The following PHLPP2 variants were observed in gnomAD, a reference collection of about 807,000 sequenced individuals.
The protein encoded by PHLPP2 is PH domain and leucine rich repeat protein phosphatase 2.
A neutral mutation model predicts 124.9 loss-of-function variants in PHLPP2; 66 were observed. The ratio of observed to expected loss-of-function variants is 0.53; its 90% CI spans 0.43 to 0.65. The LOEUF is 0.65. Ranked by LOEUF, PHLPP2 falls within the 30% of genes least tolerant of loss-of-function variation. The pLI is 0.00. For missense variants in PHLPP2, 1,685 were observed against 1,600.4 expected (o/e 1.05, Z -0.90); for synonymous variants, 681 against 624.7 (o/e 1.09, Z -1.34).
At chr16:71,698,497 C>A in intron 3 of PHLPP2, 1 of 746,066 alleles carries the variant, frequency 1.3e-6, no homozygotes, top group South Asian at 1.4e-5. Flanking sequence ...TCCAAAGGCA[C>A]CTCGCATACC....
intron 9 of PHLPP2, among the ~76,000 whole-genome samples, chr16:71,675,466 C>T (rs2044937442): frequency 6.6e-6 from 1 of 152,182 alleles, no homozygotes; most frequent in Non-Finnish European, 1.5e-5. Flanking sequence ...CTCATTCTAG[C>T]ACTGAGGCTA....
At chr16:71,686,170 T>A (rs1038667913) in intron 4 of PHLPP2, among the ~76,000 whole-genome samples, 1 of 152,114 alleles carries the variant, frequency 6.6e-6, no homozygotes, top group South Asian at 2.1e-4. Flanking sequence ...AAAATAAAAT[T>A]CACTGGTTTT....
chr16:71,707,238 A>T (rs1447376821), intron 2 of PHLPP2, among the ~76,000 whole-genome samples: 1 of 152,002 alleles, frequency 6.6e-6, no homozygotes, highest in African/African-American at 2.4e-5. Flanking sequence ...TACAGGAGTG[A>T]GCCACCGCGC....
chr16:71,674,073 G>A (rs1371495518), intron 9 of PHLPP2, among the ~76,000 whole-genome samples: 1 of 146,116 alleles, frequency 6.8e-6, no homozygotes, highest in Non-Finnish European at 1.5e-5. Context: ...TTTATATGTG[G>A]CAGACTTTTT....
intron 17 of PHLPP2, among the ~76,000 whole-genome samples, chr16:71,654,848 G>C (rs2044728550): frequency 6.6e-6 from 1 of 152,144 alleles, no homozygotes; most frequent in Non-Finnish European, 1.5e-5. Context: ...CCAGAAAGAG[G>C]CATTCTAAAC....
intron 2 of PHLPP2, 128 bp downstream of exon 2, chr16:71,714,384 T>G (rs1280450245): frequency 8.0e-7 from 1 of 1,250,488 alleles, no homozygotes; most frequent in Non-Finnish European, 1.0e-6. Context: ...AGGACAAATC[T>G]TGAAGCCCAG....
Position 71,678,827 on chromosome 16 carries a change from G to C in PHLPP2, c.1196C>G (p.Ala399Gly). 1.2e-6 allele frequency: 2 copies of C among 1,612,196 alleles called. No individual in the cohort carries two copies. The highest frequency in any genetic ancestry group is 1.7e-6 in the Non-Finnish European group (2 of 1,178,296). ...GTTCAGGACTTCCAGGCAATTTCCT[G>C]CCATAACCACTCTATCTAACATAGT... ...KLTMLDRVVM[A>G]GNCLEVLNLG... The change falls in exon 8 of 19, where the codon GCA becomes GGA. Residue 399 changes from alanine (A) to glycine (G), a missense_variant. Transcript: ENST00000568954.
chr16:71,692,595 C>CCTTT (rs1268674116), intron 3 of PHLPP2, among the ~76,000 whole-genome samples: 1 of 152,146 alleles, frequency 6.6e-6, no homozygotes, highest in Non-Finnish European at 1.5e-5. Context: ...CTAGGTCAAT[C>CCTTT]CTTTCATCTA....
At position 71,672,328 on chromosome 16, in the gene PHLPP2, C is replaced by T. The variant is rs2044901988; in HGVS notation, c.1472-6G>A. On this transcript the variant is annotated splice_region_variant and splice_polypyrimidine_tract_variant and intron_variant, in intron 9 of 18. Transcript: ENST00000568954. Reference sequence around the variant, plus strand: ...GACGTTCACTGCTGTCAGCCCTAATCCAAAAACAAACAGGTGTTAGTGACA... The same window carrying T: ...GACGTTCACTGCTGTCAGCCCTAATTCAAAAACAAACAGGTGTTAGTGACA... 6.2e-7 allele frequency: 1 copy of T among 1,610,548 alleles called. No individual in the cohort carries two copies. The highest frequency in any genetic ancestry group is 1.1e-5 in the South Asian group (1 of 90,960).
chr16:71,656,473 C>A (rs1000804411), intron 16 of PHLPP2, 98 bp downstream of exon 16: 1 of 705,064 alleles, frequency 1.4e-6, no homozygotes. Context: ...CTGTGTACAA[C>A]AGAACAACAT....
intron 1 of PHLPP2, chr16:71,723,402 AG>A (rs1182075929): frequency 1.3e-5 from 2 of 152,304 alleles, no homozygotes; most frequent in Non-Finnish European, 2.9e-5. Flanking sequence ...CGGCCCTCCG[AG>A]CCCTCCGGAG....
Position 71,678,931 on chromosome 16 carries a change from C to A in PHLPP2, c.1092G>T (p.Leu364Phe). The A allele has an allele frequency of 6.2e-7, 1 of 1,612,942 alleles. No homozygotes were observed. The highest frequency in any genetic ancestry group is 8.5e-7 in the Non-Finnish European group (1 of 1,179,164). ...GNFLTTLPEE[L>F]GNLQQLSSLG... Reference sequence around the variant, plus strand: ...AGGAGGAAAGCTGTTGTAGATTTCCCAATTCTTCAGGTAAAGTAGTCAGAA... The same window carrying A: ...AGGAGGAAAGCTGTTGTAGATTTCCAAATTCTTCAGGTAAAGTAGTCAGAA... The change falls in exon 8 of 19, where the codon TTG (leucine) becomes TTT (phenylalanine). Residue 364 changes from leucine to phenylalanine, a missense_variant. Leu to Phe is a conservative substitution (Grantham distance 22). Transcript: ENST00000568954.
intron 3 of PHLPP2, among the ~76,000 whole-genome samples, chr16:71,691,794 C>T (rs905100765): frequency 3.9e-5 from 6 of 151,932 alleles, no homozygotes; most frequent in African/African-American, 1.2e-4. Context: ...ACAGAAAAGA[C>T]GTGAAGTTCT....
At chr16:71,681,336 A>AT (rs1345335413) in intron 6 of PHLPP2, among the ~76,000 whole-genome samples, 3 of 152,210 alleles carry the variant, frequency 2.0e-5, no homozygotes, top group African/African-American at 7.2e-5. Flanking sequence ...GACTAAACGC[A>AT]TAAGAGTTGG....
At chr16:71,703,406 T>C (rs1021059887) in intron 2 of PHLPP2, among the ~76,000 whole-genome samples, 1 of 152,274 alleles carries the variant, frequency 6.6e-6, no homozygotes, top group Non-Finnish European at 1.5e-5. Context: ...ATGGTCCTAA[T>C]TGAAAGCTAA....
At chr16:71,668,887 C>T (rs2044864863) in intron 11 of PHLPP2, among the ~76,000 whole-genome samples, 1 of 152,132 alleles carries the variant, frequency 6.6e-6, no homozygotes, top group African/African-American at 2.4e-5. Context: ...GATAACAGCA[C>T]CTATTAAATA....
chr16:71,682,051 T>G, intron 5 of PHLPP2, 146 bp from the exon 6 acceptor site: 1 of 546,710 alleles, frequency 1.8e-6, no homozygotes, highest in Non-Finnish European at 3.1e-6. Context: ...CATTTATAAA[T>G]ACCAGTTAAT....
chr16:71,653,120 T>TA, intron 17 of PHLPP2, 99 bp from the exon 18 acceptor site: 2 of 606,620 alleles, frequency 3.3e-6, no homozygotes, highest in Middle Eastern at 3.1e-4. Context: ...TTTTTTTTTT[T>TA]ACCATGTGAT....
intron 3 of PHLPP2, among the ~76,000 whole-genome samples, chr16:71,702,057 T>A (rs746543558): frequency 3.3e-5 from 5 of 152,166 alleles, no homozygotes; most frequent in Non-Finnish European, 7.3e-5. Context: ...AAGAAGCATG[T>A]TACTGTTCCA....
Sources: gnomAD v4.1 joint callset for allele counts (sites outside exome capture counted in the v4.1 genomes callset) on GRCh38, gnomAD v4.1.1 for gene constraint, MANE v1.5 for transcripts, NCBI Gene and HGNC (gene_info 2026-07-23, HGNC 2026-07-21) for gene names.